FAXC: variants seen among roughly 807,000 people sequenced by gnomAD.
FAXC encodes the protein failed axon connections homolog.
Under a neutral mutation model 41.9 loss-of-function variants are expected in FAXC, and 10 were observed. The ratio of observed to expected loss-of-function variants is 0.24; its 90% CI spans 0.15 to 0.41. The LOEUF is 0.41. Ranked by LOEUF, FAXC falls within the 10% of genes least tolerant of loss-of-function variation. FAXC has a pLI of 1.00. For synonymous variants in FAXC, 183 were observed against 183.8 expected (o/e 1.00, Z 0.03); for missense variants, 399 against 510.9 (o/e 0.78, Z 2.11).
Position 99,293,774 on chromosome 6 carries a change from AG to A in FAXC, c.824-1955del, listed in dbSNP as rs200443760. ...CCAGCTAAATTGTTAGCTCTTTGAA[AG>A]TAAGGGTCAATTCTTGCTTTTATTT... On this transcript the variant is annotated intron_variant, in intron 4 of 5. Coordinates refer to ENST00000389677, the MANE Select transcript of FAXC (RefSeq NM_032511.4). 9.0e-3 allele frequency among the ~76,000 whole-genome samples: 1,347 copies of A among 149,596 alleles called. 25 individuals are homozygous for A. The highest frequency in any genetic ancestry group is 0.032 in the African/African-American group (1,279 of 40,452).
Position 99,349,448 on chromosome 6 carries a change from C to T in FAXC, c.-76G>A. Reference sequence around the variant, plus strand: ...GGGAAGGGGCCGGCGCGGCCCGGCGCGGGCTCAGAGGCGCGCGGAGGGCGC... The same window carrying T: ...GGGAAGGGGCCGGCGCGGCCCGGCGTGGGCTCAGAGGCGCGCGGAGGGCGC... On this transcript the variant is annotated 5_prime_UTR_variant, in exon 1 of 6. Coordinates refer to ENST00000389677, the MANE Select transcript of FAXC (RefSeq NM_032511.4). 1 of 1,128,444 alleles carries T rather than the reference C, an allele frequency of 8.9e-7. No homozygotes were observed. The highest frequency in any genetic ancestry group is 1.1e-6 in the Non-Finnish European group (1 of 921,542). The allele number at this position is 1,128,444 out of a possible 1,614,324, so 69.9% of individuals were successfully genotyped here. A position where few individuals can be genotyped will look rare whatever the true frequency, so the allele number is the denominator to read the frequency against.
rs1414881089 is a variant in FAXC at position 99,337,514 on chromosome 6, T to C, written c.403-3967A>G. Among the ~76,000 whole-genome samples the C allele has an allele frequency of 3.3e-5, 5 of 152,356 alleles. No homozygotes were observed. The East Asian group carries it at 7.7e-4, about 23-fold the overall frequency. The stretch of plus-strand genomic sequence containing the variant: ...AGTTATGATAATAATCTCCAGCTCG[T>C]AGGATATCAGGTAATTTTCACTTTC... On this transcript the variant is annotated intron_variant, in intron 2 of 5. Transcript: ENST00000389677.
intron 4 of FAXC, among the ~76,000 whole-genome samples, chr6:99,314,686 T>A (rs1772271996): frequency 6.6e-6 from 1 of 152,202 alleles, no homozygotes; most frequent in South Asian, 2.1e-4. Context: ...CCAGATTTAT[T>A]TATGTTACAC....
Position 99,348,969 on chromosome 6 carries a change from T to C in FAXC, c.266+138A>G, listed in dbSNP as rs915401566. ...ACGGCCAGGTGACCACAAATGCCTT[T>C]AGGGAAAGGTAATTGCAGGGCGCTT... On this transcript the variant is annotated intron_variant, in intron 1 of 5. Transcript: ENST00000389677. The C allele has an allele frequency of 1.0e-5, 8 of 787,482 alleles. No homozygotes were observed. The Admixed American group carries it at 1.5e-4, about 14-fold the overall frequency. The allele number at this position is 787,482 out of a possible 1,614,324, so 48.8% of individuals were successfully genotyped here.
intron 4 of FAXC, among the ~76,000 whole-genome samples, chr6:99,300,203 G>C (rs1771651723): frequency 6.6e-6 from 1 of 152,106 alleles, no homozygotes; most frequent in Non-Finnish European, 1.5e-5. Flanking sequence ...CTAAGCAAAG[G>C]GTTGTGTATC....
At chr6:99,346,669 G>T (rs577280382) in intron 1 of FAXC, among the ~76,000 whole-genome samples, 5 of 152,076 alleles carry the variant, frequency 3.3e-5, no homozygotes, top group African/African-American at 1.2e-4. Flanking sequence ...CAAAGTGCTG[G>T]GATTACAGGC....
intron 1 of FAXC, among the ~76,000 whole-genome samples, chr6:99,348,107 C>T (rs986278761): frequency 1.3e-5 from 2 of 152,162 alleles, no homozygotes; most frequent in African/African-American, 4.8e-5. Context: ...TCACCTATCA[C>T]TGTCTTTGTT....
rs1770763748 is a variant in FAXC at position 99,279,910 on chromosome 6, T to C, written c.*1254A>G. 1.3e-5 allele frequency: 2 copies of C among 152,240 alleles called. No individual in the cohort carries two copies. Among genetic ancestry groups the C allele is most frequent in the South Asian group, 4.1e-4 (2 of 4,826 alleles). The allele number at this position is 152,240 out of a possible 1,614,324, so 9.4% of individuals were successfully genotyped here. A position where few individuals can be genotyped will look rare whatever the true frequency, so the allele number is the denominator to read the frequency against. On this transcript the variant is annotated 3_prime_UTR_variant, in exon 6 of 6. Coordinates refer to ENST00000389677, the MANE Select transcript of FAXC (RefSeq NM_032511.4). ...TCTAACACTGCACAGAGTGCTTTGA[T>C]ACAAGTATCCTCTTGCTACTTCATC...
At chr6:99,288,367 G>A (rs1000813881) in intron 5 of FAXC, among the ~76,000 whole-genome samples, 1 of 152,164 alleles carries the variant, frequency 6.6e-6, no homozygotes, top group African/African-American at 2.4e-5. Flanking sequence ...TATAGAGCAT[G>A]TGAGTAGATG....
Position 99,279,304 on chromosome 6 carries a change from A to G in FAXC, c.*1860T>C, listed in dbSNP as rs1261236438. On this transcript the variant is annotated 3_prime_UTR_variant, in exon 6 of 6. Transcript: ENST00000389677. ...CAACTAAGTTTCCCATGGAATAAGA[A>G]TTTCTAACTTAGGGTATCTCAGCAC... The G allele has an allele frequency of 1.3e-5, 2 of 152,216 alleles. No homozygotes were observed. Among genetic ancestry groups the G allele is most frequent in the Non-Finnish European group, 2.9e-5 (2 of 68,030 alleles). 9.4% of individuals were successfully genotyped at this position (152,216 alleles called of 1,614,324 possible). A position where few individuals can be genotyped will look rare whatever the true frequency, so the allele number is the denominator to read the frequency against.
chr6:99,320,016 C>T (rs1027494364), intron 4 of FAXC, among the ~76,000 whole-genome samples: 1 of 152,172 alleles, frequency 6.6e-6, no homozygotes, highest in Non-Finnish European at 1.5e-5. Context: ...TGTTGTACAA[C>T]TACATTGTCA....
At chr6:99,302,250 A>G (rs1211921396) in intron 4 of FAXC, among the ~76,000 whole-genome samples, 1 of 152,242 alleles carries the variant, frequency 6.6e-6, no homozygotes, top group Non-Finnish European at 1.5e-5. Context: ...CTGTCAGAGC[A>G]AACAAGTGAG....
intron 2 of FAXC, 89 bp from the exon 3 acceptor site, chr6:99,333,636 T>C: frequency 2.7e-6 from 3 of 1,102,386 alleles, no homozygotes; most frequent in Non-Finnish European, 3.9e-6. Flanking sequence ...TCCAACCTTA[T>C]GTTTGATAGT....
intron 5 of FAXC, among the ~76,000 whole-genome samples, chr6:99,284,598 T>TGTGAGA (rs34495212): frequency 1.4e-5 from 2 of 142,856 alleles, no homozygotes; most frequent in African/African-American, 2.6e-5. Flanking sequence ...TGTGTGTGTG[T>TGTGAGA]GATAAGCCTG....
chr6:99,340,921 G>A (rs927635546), intron 2 of FAXC, among the ~76,000 whole-genome samples: 5 of 151,968 alleles, frequency 3.3e-5, no homozygotes, highest in African/African-American at 9.6e-5. Context: ...CATCCTCCTC[G>A]GCCTCTCAAA....
At chr6:99,310,944 T>C (rs1467302941) in intron 4 of FAXC, among the ~76,000 whole-genome samples, 1 of 152,172 alleles carries the variant, frequency 6.6e-6, no homozygotes, top group Non-Finnish European at 1.5e-5. Flanking sequence ...ATGATCTAAT[T>C]AAACAGAGTA....
At chr6:99,333,299 C>G in intron 3 of FAXC, 52 bp downstream of exon 3, 4 of 1,458,414 alleles carry the variant, frequency 2.7e-6, no homozygotes, top group Non-Finnish European at 3.7e-6. Flanking sequence ...AAAAGTGAAA[C>G]AGAACCTGGG....
intron 1 of FAXC, among the ~76,000 whole-genome samples, chr6:99,347,429 A>G (rs536416841): frequency 7.2e-5 from 11 of 151,940 alleles, no homozygotes; most frequent in Non-Finnish European, 1.6e-4. Flanking sequence ...AAAGGAAGAA[A>G]AAGTGTGAAT....
Position 99,281,236 on chromosome 6 carries a change from A to G in FAXC, c.1158T>C (p.Asp386=). The G allele has an allele frequency of 6.2e-7, 1 of 1,612,836 alleles. No individual in the cohort carries two copies. Among genetic ancestry groups the G allele is most frequent in the Non-Finnish European group, 8.5e-7 (1 of 1,178,810 alleles). Residue 386 remains aspartate (D), a synonymous_variant, in exon 6 of 6, where the codon GAT becomes GAC. Coordinates refer to ENST00000389677, the MANE Select transcript of FAXC (RefSeq NM_032511.4). ...ENSFSRTPDT[D]FTGHSLFDSD... ...AATCAAAGAGTGAGTGTCCAGTAAAATCTGTGTCTGGGGTTCTGGAAAAAC... is the reference window on the plus strand; with the variant it reads ...AATCAAAGAGTGAGTGTCCAGTAAAGTCTGTGTCTGGGGTTCTGGAAAAAC...
Sources: allele counts gnomAD v4.1 joint callset (sites outside exome capture counted in the v4.1 genomes callset), GRCh38; gene constraint gnomAD v4.1.1; transcripts MANE v1.5; gene names NCBI Gene and HGNC (gene_info 2026-07-23, HGNC 2026-07-21).